The following OR11A1 variants were observed in gnomAD, a reference collection of about 807,000 sequenced individuals.
OR11A1 encodes the protein olfactory receptor family 11 subfamily A member 1.
For synonymous variants in OR11A1, 158 were observed against 152.2 expected (o/e 1.04, Z -0.28); for missense variants, 380 against 378.2 (o/e 1.00, Z -0.04).
chr6:29,433,449 G>A (rs1209329418), intron 1 of OR11A1, among the ~76,000 whole-genome samples: 6 of 152,080 alleles, frequency 3.9e-5, no homozygotes, highest in African/African-American at 1.4e-4. Flanking sequence ...TTCTGTGCCT[G>A]ACTTATTTCA....
chr6:29,430,291 A>G lies in OR11A1; in HGVS notation c.-140+10T>C. 1 of 985,444 alleles carries G rather than the reference A, an allele frequency of 1.0e-6. No homozygotes were observed. Among genetic ancestry groups the G allele is most frequent in the South Asian group, 4.7e-5 (1 of 21,288 alleles). 61.0% of individuals were successfully genotyped at this position (985,444 alleles called of 1,614,324 possible). A position where few individuals can be genotyped will look rare whatever the true frequency, so the allele number is the denominator to read the frequency against. On this transcript the variant is annotated intron_variant, in intron 3 of 4. Transcript: ENST00000377149. ...CCCTCCAACTCCCGTCTCTAAAGCT[A>G]TTCTCTTACCCTTTGATCCCATCTG... is the stretch of plus-strand genomic sequence containing the variant.
chr6:29,449,222 G>A (rs1433245607), intron 1 of OR11A1, among the ~76,000 whole-genome samples: 1 of 152,178 alleles, frequency 6.6e-6, no homozygotes, highest in Non-Finnish European at 1.5e-5. Flanking sequence ...GTCAGTGTAA[G>A]TTTATCAGTT....
Position 29,427,006 on chromosome 6 carries a change from A to C in OR11A1, c.636T>G (p.Phe212Leu). The change falls in exon 5 of 5, where the codon TTT becomes TTG. Residue 212 changes from phenylalanine to leucine, a missense_variant. Phe to Leu is a conservative substitution (Grantham distance 22, BLOSUM62 0). Transcript: ENST00000377149. The stretch of plus-strand genomic sequence containing the variant: ...TGGCATAAGATGTCAGAATCAGTCC[A>C]AAAGGAATAGTGAGGCAGAACACAG... Reference protein sequence around the residue: ...ILSVFCLTIPFGLILTSYARI... With the variant: ...ILSVFCLTIPLGLILTSYARI... 6.2e-7 allele frequency: 1 copy of C among 1,612,808 alleles called. No individual in the cohort carries two copies. The highest frequency in any genetic ancestry group is 8.5e-7 in the Non-Finnish European group (1 of 1,180,026).
At position 29,450,613 on chromosome 6, in the gene OR11A1, C is replaced by T. The variant is rs562316895; in HGVS notation, c.-389+6374G>A. ...TGCAATTACATTCACAATAGCCACACACACACACACAATACCTAGGAAAGC... is the reference window on the plus strand; with the variant it reads ...TGCAATTACATTCACAATAGCCACATACACACACACAATACCTAGGAAAGC... On this transcript the variant is annotated intron_variant, in intron 1 of 4. Coordinates refer to ENST00000377149, the MANE Select transcript of OR11A1 (RefSeq NM_001394828.1). 4.6e-5 allele frequency: 7 copies of T among 152,224 alleles called. No individual in the cohort carries two copies. In the East Asian group the frequency reaches 1.4e-3, roughly 29 times the overall value. 9.4% of individuals were successfully genotyped at this position (152,224 alleles called of 1,614,324 possible).
At position 29,425,713 on chromosome 6, in the gene OR11A1, A is replaced by T. The variant is rs1411533251; in HGVS notation, c.*981T>A. 1 of 152,214 alleles carries T rather than the reference A, an allele frequency of 6.6e-6. No homozygotes were observed. The highest frequency in any genetic ancestry group is 6.5e-5 in the Admixed American group (1 of 15,278). 9.4% of individuals were successfully genotyped at this position (152,214 alleles called of 1,614,324 possible). ...TTGATGTTGAAGCTGGATGGTGGCT[A>T]CATGGAGTACATGGGGGTTCACTGT... On this transcript the variant is annotated 3_prime_UTR_variant, in exon 5 of 5. Transcript: ENST00000377149.
At chr6:29,430,819 A>G (rs1194506134) in intron 2 of OR11A1, among the ~76,000 whole-genome samples, 2 of 152,218 alleles carry the variant, frequency 1.3e-5, no homozygotes, top group Non-Finnish European at 2.9e-5. Flanking sequence ...AAAAGTAGAT[A>G]TGAAAAGAAA....
chr6:29,448,490 A>T (rs115662857), intron 1 of OR11A1, among the ~76,000 whole-genome samples: 2,783 of 152,262 alleles, frequency 0.018, 91 homozygotes, highest in African/African-American at 0.064. Flanking sequence ...GTCACTTGAG[A>T]AAATCATGAA....
intron 1 of OR11A1, among the ~76,000 whole-genome samples, chr6:29,447,320 T>G (rs1287692206): frequency 6.6e-6 from 1 of 152,192 alleles, no homozygotes; most frequent in Non-Finnish European, 1.5e-5. Flanking sequence ...AAGCAGCCAT[T>G]GGGAAATAGT....
At chr6:29,433,903 G>T (rs961239173) in intron 1 of OR11A1, among the ~76,000 whole-genome samples, 1 of 151,996 alleles carries the variant, frequency 6.6e-6, no homozygotes, top group Non-Finnish European at 1.5e-5. Context: ...AATTTAATTT[G>T]TATTTCCCTG....
At chr6:29,438,549 G>GA (rs146231912) in intron 1 of OR11A1, among the ~76,000 whole-genome samples, 5,549 of 151,800 alleles carry the variant, frequency 0.037, no homozygotes, top group African/African-American at 0.11. Context: ...AAAATCATGA[G>GA]AAAAAAGAAG....
chr6:29,442,757 T>C (rs550640556), intron 1 of OR11A1, among the ~76,000 whole-genome samples: 11 of 152,360 alleles, frequency 7.2e-5, no homozygotes, highest in African/African-American at 2.6e-4. Context: ...TGCTCTTCAA[T>C]TGAACAAAAC....
chr6:29,427,318 T>C lies in OR11A1; in HGVS notation c.324A>G (p.Leu108=). 6.2e-7 allele frequency: 1 copy of C among 1,613,048 alleles called. No homozygotes were observed. Among genetic ancestry groups the C allele is most frequent in the Non-Finnish European group, 8.5e-7 (1 of 1,180,032 alleles). The change falls in exon 5 of 5, where the codon CTA becomes CTG. Residue 108 remains leucine, a synonymous_variant. Coordinates refer to ENST00000377149, the MANE Select transcript of OR11A1 (RefSeq NM_001394828.1). Reference sequence around the variant, plus strand: ...CCAGCAGTAAGCATTCAGCTGTGGCTAGAGAGCCGAAGATAAAGAACTGGA... The same window carrying C: ...CCAGCAGTAAGCATTCAGCTGTGGCCAGAGAGCCGAAGATAAAGAACTGGA... ...CLLQFFIFGS[L]ATAECLLLAV...
intron 3 of OR11A1, among the ~76,000 whole-genome samples, chr6:29,429,798 G>A (rs895825905): frequency 6.6e-6 from 1 of 152,146 alleles, no homozygotes; most frequent in Non-Finnish European, 1.5e-5. Flanking sequence ...GGGAAGACAG[G>A]GAGAGAAAGG....
chr6:29,427,477 C>G lies in OR11A1; in HGVS notation c.165G>C (p.Gln55His). The stretch of plus-strand genomic sequence containing the variant: ...AAATATACATGGGTTTGTGGAGCCT[C>G]TGGGAGCTAACCACTGCTACAATAA... ...MLIIVAVVSS[Q>H]RLHKPMYIFL... The change falls in exon 5 of 5, where the codon CAG (glutamine) becomes CAC (histidine). Residue 55 changes from glutamine to histidine, a missense_variant. Transcript: ENST00000377149. 1 of 1,613,076 alleles carries G rather than the reference C, an allele frequency of 6.2e-7. No individual in the cohort carries two copies. The highest frequency in any genetic ancestry group is 8.5e-7 in the Non-Finnish European group (1 of 1,180,026).
chr6:29,426,804 T>C lies in OR11A1; in HGVS notation c.838A>G (p.Thr280Ala). The C allele has an allele frequency of 1.2e-6, 2 of 1,613,016 alleles. No homozygotes were observed. Among genetic ancestry groups the C allele is most frequent in the Non-Finnish European group, 1.7e-6 (2 of 1,180,012 alleles). The change falls in exon 5 of 5, where the codon ACT (threonine) becomes GCT (alanine). Residue 280 changes from threonine to alanine, a missense_variant. By Grantham distance (58) the Thr-to-Ala change is moderately conservative (BLOSUM62 0). Coordinates refer to ENST00000377149, the MANE Select transcript of OR11A1 (RefSeq NM_001394828.1). ...LLSKVFSLLYTVVTPLFNPVI... is the reference protein window; with the variant it reads ...LLSKVFSLLYAVVTPLFNPVI... ...GGATTGAAGAGAGGGGTGACCACAG[T>C]GTAGAGCAGGGAGAAGACCTTGGAG...
chr6:29,440,750 C>A (rs138514441), intron 1 of OR11A1: 1 of 1,614,006 alleles, frequency 6.2e-7, no homozygotes, highest in Non-Finnish European at 8.5e-7. Flanking sequence ...CCCACCTGAT[C>A]ATGGTCTCCC....
chr6:29,446,156 G>A (rs976898155), intron 1 of OR11A1, among the ~76,000 whole-genome samples: 23 of 151,974 alleles, frequency 1.5e-4, no homozygotes, highest in Admixed American at 3.9e-4. Context: ...TCAAGTCTGC[G>A]AATAATTATC....
intron 1 of OR11A1, among the ~76,000 whole-genome samples, chr6:29,436,335 C>A (rs1783624087): frequency 6.6e-6 from 1 of 152,038 alleles, no homozygotes; most frequent in Non-Finnish European, 1.5e-5. Context: ...AAAATAGCCC[C>A]AAATGTAGCG....
intron 1 of OR11A1, chr6:29,440,749 TC>T: frequency 6.2e-7 from 1 of 1,614,062 alleles, no homozygotes; most frequent in Non-Finnish European, 8.5e-7. Context: ...TCCCACCTGA[TC>T]ATGGTCTCCC....
Sources: gnomAD v4.1 joint callset for allele counts (sites outside exome capture counted in the v4.1 genomes callset) on GRCh38, gnomAD v4.1.1 for gene constraint, MANE v1.5 for transcripts, NCBI Gene and HGNC (gene_info 2026-07-23, HGNC 2026-07-21) for gene names.